BCL11B: variants seen among roughly 807,000 people sequenced by gnomAD.
BCL11B encodes the protein BCL11 transcription factor B.
Under a neutral mutation model 49.9 loss-of-function variants are expected in BCL11B, and 8 were observed. That is an observed-to-expected ratio of 0.16 (90% confidence interval 0.09 to 0.29). The LOEUF (loss-of-function observed/expected upper bound fraction) is 0.29. Among genes scored for constraint, BCL11B ranks in the 10% least tolerant of loss-of-function variants. The pLI, the probability that BCL11B is intolerant of heterozygous loss-of-function variation, is 1.00. For synonymous variants in BCL11B, 739 were observed against 637.4 expected (o/e 1.16, Z -2.40); for missense variants, 1,006 against 1,351.0 (o/e 0.74, Z 4.00).
At chr14:99,186,992 C>T (rs1168687092) in intron 3 of BCL11B, among the ~76,000 whole-genome samples, 1 of 152,138 alleles carries the variant, frequency 6.6e-6, no homozygotes, top group African/African-American at 2.4e-5. Context: ...ATCTGAATAC[C>T]CTAGGCCTGT....
Position 99,271,272 on chromosome 14 carries a change from C to T in BCL11B, c.-54G>A, listed in dbSNP as rs1409413864. The T allele has an allele frequency of 1.6e-6, 2 of 1,264,612 alleles. No homozygotes were observed. The highest frequency in any genetic ancestry group is 2.0e-6 in the Non-Finnish European group (2 of 1,003,540). 78.3% of individuals were successfully genotyped at this position (1,264,612 alleles called of 1,614,324 possible). On this transcript the variant is annotated 5_prime_UTR_variant, in exon 1 of 4. Transcript: ENST00000357195. ...GGAGAGCTGCACTGATGGGGGGAGCCGGGGGAGGGGGTCCGAGCCGCCGCC... is the reference window on the plus strand; with the variant it reads ...GGAGAGCTGCACTGATGGGGGGAGCTGGGGGAGGGGGTCCGAGCCGCCGCC...
At chr14:99,216,023 T>G (rs1566814034) in intron 3 of BCL11B, among the ~76,000 whole-genome samples, 1 of 152,128 alleles carries the variant, frequency 6.6e-6, no homozygotes, top group African/African-American at 2.4e-5. Context: ...GCAATGACAG[T>G]GATTGCAATA....
At chr14:99,240,319 TA>T (rs1053965407) in intron 2 of BCL11B, among the ~76,000 whole-genome samples, 2 of 152,054 alleles carry the variant, frequency 1.3e-5, no homozygotes, top group African/African-American at 2.4e-5. Flanking sequence ...ACTATTGTAA[TA>T]AAAAAAATAC....
At chr14:99,252,020 A>C in intron 2 of BCL11B, among the ~76,000 whole-genome samples, 1 of 152,156 alleles carries the variant, frequency 6.6e-6, no homozygotes, top group East Asian at 1.9e-4. Context: ...AGATAACCCA[A>C]GAAAAGCATC....
Position 99,205,549 on chromosome 14 carries a change from TC to T in BCL11B, c.640+25795del, listed in dbSNP as rs1887511266. On this transcript the variant is annotated intron_variant, in intron 3 of 3. Coordinates refer to ENST00000357195, the MANE Select transcript of BCL11B (RefSeq NM_138576.4). The surrounding 1 kb of genome is among the most constrained non-coding windows in gnomAD (Gnocchi z 5.0). ...TCCTGTGTCACCCTGTCCTGGGCGC[TC>T]TGTGAACTTTGTGATGCCTGAGATG... Among the ~76,000 whole-genome samples, 1 of 152,124 alleles carries T rather than the reference TC, an allele frequency of 6.6e-6. No homozygotes were observed. The highest frequency in any genetic ancestry group is 1.5e-5 in the Non-Finnish European group (1 of 68,004).
At chr14:99,211,684 C>G (rs1887694299) in intron 3 of BCL11B, among the ~76,000 whole-genome samples, 1 of 152,166 alleles carries the variant, frequency 6.6e-6, no homozygotes, top group Non-Finnish European at 1.5e-5. Flanking sequence ...CTCAGGGCTG[C>G]ACCTGACCTC....
intron 3 of BCL11B, among the ~76,000 whole-genome samples, chr14:99,203,043 C>T (rs532913207): frequency 5.3e-5 from 8 of 152,190 alleles, no homozygotes; most frequent in Admixed American, 2.0e-4. Flanking sequence ...TGTCCGCACC[C>T]CACTGTGGCA....
intron 2 of BCL11B, among the ~76,000 whole-genome samples, chr14:99,254,200 GC>G (rs1889090879): frequency 6.6e-6 from 1 of 152,216 alleles, no homozygotes; most frequent in South Asian, 2.1e-4. Context: ...ATGAATGAAT[GC>G]CCTCCAGAAA....
chr14:99,258,819 T>G (rs1388494652), intron 1 of BCL11B, among the ~76,000 whole-genome samples: 1 of 152,240 alleles, frequency 6.6e-6, no homozygotes, highest in Admixed American at 6.5e-5. Flanking sequence ...AAGCATTTCT[T>G]GGAAGATATC....
At chr14:99,199,940 G>T (rs1887326048) in intron 3 of BCL11B, among the ~76,000 whole-genome samples, 1 of 151,764 alleles carries the variant, frequency 6.6e-6, no homozygotes, top group Non-Finnish European at 1.5e-5. Flanking sequence ...ATAAGACAGA[G>T]TGTCTTAATA....
intron 3 of BCL11B, among the ~76,000 whole-genome samples, chr14:99,217,268 G>T (rs1887870743): frequency 6.6e-6 from 1 of 151,452 alleles, no homozygotes; most frequent in South Asian, 2.1e-4. Flanking sequence ...GCTGACATAT[G>T]CAAATACTCA....
Position 99,174,643 on chromosome 14 carries a change from G to C in BCL11B, c.2193C>G (p.Asp731Glu), listed in dbSNP as rs745727457. Residue 731 changes from aspartate (D) to glutamate (E), a missense_variant, in exon 4 of 4, where the codon GAC becomes GAG. Asp to Glu is a conservative substitution (Grantham distance 45, BLOSUM62 2). Coordinates refer to ENST00000357195, the MANE Select transcript of BCL11B (RefSeq NM_138576.4). ...ACGTGGCGAAGGGCGACTGTCGTGC[G>C]TCCGTGAAGCCCAGGAAGGGGTCCT... ...FMKDPFLGFTDARQSPFATSS... is the reference protein window; with the variant it reads ...FMKDPFLGFTEARQSPFATSS... The C allele has an allele frequency of 2.5e-6, 4 of 1,575,448 alleles. No individual in the cohort carries two copies. Among genetic ancestry groups the C allele is most frequent in the Non-Finnish European group, 3.4e-6 (4 of 1,164,576 alleles).
At chr14:99,214,960 G>A (rs1220493958) in intron 3 of BCL11B, among the ~76,000 whole-genome samples, 2 of 152,098 alleles carry the variant, frequency 1.3e-5, no homozygotes, top group Admixed American at 6.5e-5. Context: ...CAGGGGTGGG[G>A]GATGCGCCCA....
At chr14:99,200,619 T>C (rs1177963600) in intron 3 of BCL11B, among the ~76,000 whole-genome samples, 1 of 152,220 alleles carries the variant, frequency 6.6e-6, no homozygotes, top group African/African-American at 2.4e-5. Context: ...TCTCTCTTCA[T>C]ACCACATGGC....
At position 99,242,705 on chromosome 14, in the gene BCL11B, G is replaced by C. The variant is rs1348089470; in HGVS notation, c.428-11148C>G. ...TTTCCTAACTAACAAGACTAATCCAGAGGTTTTGGACCCTGCCAGAGGTTA... is the reference window on the plus strand; with the variant it reads ...TTTCCTAACTAACAAGACTAATCCACAGGTTTTGGACCCTGCCAGAGGTTA... On this transcript the variant is annotated intron_variant, in intron 2 of 3. Coordinates refer to ENST00000357195, the MANE Select transcript of BCL11B (RefSeq NM_138576.4). The surrounding 1 kb of genome is among the most constrained non-coding windows in gnomAD (Gnocchi z 4.4). 6.6e-6 allele frequency among the ~76,000 whole-genome samples: 1 copy of C among 152,236 alleles called. No individual in the cohort carries two copies. Among genetic ancestry groups the C allele is most frequent in the Non-Finnish European group, 1.5e-5 (1 of 68,044 alleles).
intron 2 of BCL11B, among the ~76,000 whole-genome samples, chr14:99,238,792 C>T (rs907495077): frequency 1.3e-5 from 2 of 152,218 alleles, no homozygotes; most frequent in African/African-American, 4.8e-5. Context: ...CTAGGCATCA[C>T]GGCTTCAGGA....
intron 2 of BCL11B, among the ~76,000 whole-genome samples, chr14:99,237,236 CTTT>C (rs56991081): frequency 2.3e-5 from 3 of 132,786 alleles, no homozygotes; most frequent in African/African-American, 5.4e-5. Context: ...CTTTTTTTTT[CTTT>C]TTTTTTTTTT....
At chr14:99,259,820 C>T (rs999664883) in intron 1 of BCL11B, among the ~76,000 whole-genome samples, 4 of 152,180 alleles carry the variant, frequency 2.6e-5, no homozygotes, top group Admixed American at 1.3e-4. Flanking sequence ...AGATGCTTTG[C>T]TATGGTTAAA....
chr14:99,187,003 G>A (rs1481465304), intron 3 of BCL11B, among the ~76,000 whole-genome samples: 1 of 152,160 alleles, frequency 6.6e-6, no homozygotes, highest in Non-Finnish European at 1.5e-5. Context: ...CTAGGCCTGT[G>A]AATCCACCTT....
Sources: gnomAD v4.1 joint callset for allele counts (sites outside exome capture counted in the v4.1 genomes callset) on GRCh38, gnomAD v4.1.1 for gene constraint, Gnocchi (gnomAD v3.1) non-coding constraint, MANE v1.5 for transcripts, NCBI Gene and HGNC (gene_info 2026-07-23, HGNC 2026-07-21) for gene names.